The following POLR3B variants were observed in gnomAD, a reference collection of about 807,000 sequenced individuals.
POLR3B encodes the protein RNA polymerase III subunit B.
POLR3B carries 96 observed loss-of-function variants against 147.4 expected under a neutral mutation model. The observed-to-expected ratio is 0.65, with a 90% CI of 0.55 to 0.77. The LOEUF is 0.77. Ranked by LOEUF, POLR3B falls within the 30% of genes least tolerant of loss-of-function variation. The pLI is 0.00. For missense variants in POLR3B, 1,036 were observed against 1,413.5 expected (o/e 0.73, Z 4.28); for synonymous variants, 461 against 485.9 (o/e 0.95, Z 0.67).
intron 12 of POLR3B, among the ~76,000 whole-genome samples, chr12:106,419,021 G>C (rs973772053): frequency 3.0e-4 from 45 of 152,292 alleles, no homozygotes; most frequent in African/African-American, 1.1e-3. Flanking sequence ...CTAAGTGTAA[G>C]GGACTAATTA....
intron 2 of POLR3B, among the ~76,000 whole-genome samples, chr12:106,366,113 C>T (rs991799862): frequency 5.9e-5 from 9 of 152,144 alleles, no homozygotes; most frequent in Admixed American, 2.0e-4. Flanking sequence ...TCTATGAAAT[C>T]AAATCAAGTT....
At chr12:106,479,749 TC>T (rs1452443844) in intron 23 of POLR3B, among the ~76,000 whole-genome samples, 1 of 150,894 alleles carries the variant, frequency 6.6e-6, no homozygotes, top group African/African-American at 2.4e-5. Flanking sequence ...TTTTGGTTTT[TC>T]TTTTTTTCTT....
chr12:106,406,035 G>T, intron 11 of POLR3B, 59 bp downstream of exon 11: 1 of 1,578,938 alleles, frequency 6.3e-7, no homozygotes. Flanking sequence ...TCCTGTTAGA[G>T]AACTGTGATA....
chr12:106,454,699 T>G lies in POLR3B; in HGVS notation c.2281T>G (p.Ser761Ala), dbSNP rs1269408798. 6.3e-7 allele frequency: 1 copy of G among 1,591,532 alleles called. No individual in the cohort carries two copies. The highest frequency in any genetic ancestry group is 2.2e-5 in the East Asian group (1 of 44,746). The change falls in exon 20 of 28, where the codon TCT becomes GCT. Residue 761 changes from serine to alanine, a missense_variant. Transcript: ENST00000228347. ...IEDALVLNKASLDRGFGRCLV... is the reference protein window; with the variant it reads ...IEDALVLNKAALDRGFGRCLV... ...AGATGCTCTTGTTTTAAACAAGGCC[T>G]CTTTAGACAGAGGTAAGTGAATTTT...
chr12:106,462,274 G>A (rs11113001), intron 22 of POLR3B, among the ~76,000 whole-genome samples: 68 of 152,150 alleles, frequency 4.5e-4, no homozygotes, highest in African/African-American at 1.6e-3. Flanking sequence ...TTGAGACGGA[G>A]TCTCGCTCTA....
intron 10 of POLR3B, among the ~76,000 whole-genome samples, chr12:106,401,139 G>A (rs2037059848): frequency 6.6e-6 from 1 of 152,096 alleles, no homozygotes; most frequent in African/African-American, 2.4e-5. Context: ...TGATAAAGGG[G>A]ATATCACCAG....
chr12:106,387,675 C>G (rs2036859082), intron 9 of POLR3B, among the ~76,000 whole-genome samples: 1 of 152,158 alleles, frequency 6.6e-6, no homozygotes, highest in Non-Finnish European at 1.5e-5. Flanking sequence ...ACTTTTCCAT[C>G]TGGGAGGCAG....
At chr12:106,446,990 G>T (rs1163979455) in intron 19 of POLR3B, among the ~76,000 whole-genome samples, 1 of 152,140 alleles carries the variant, frequency 6.6e-6, no homozygotes, top group African/African-American at 2.4e-5. Context: ...CTTTGAGTAG[G>T]ACTTCTCTGG....
At chr12:106,393,804 A>ACACC (rs1207766499) in intron 10 of POLR3B, among the ~76,000 whole-genome samples, 5 of 133,916 alleles carry the variant, frequency 3.7e-5, no homozygotes, top group African/African-American at 1.4e-4. Context: ...ACACACACAC[A>ACACC]CCCCATAGTA....
chr12:106,411,183 G>T (rs1348607206), intron 12 of POLR3B, among the ~76,000 whole-genome samples: 1 of 151,820 alleles, frequency 6.6e-6, no homozygotes, highest in Admixed American at 6.6e-5. Context: ...TGGTTGCCCA[G>T]GCTGGAGTGC....
intron 9 of POLR3B, among the ~76,000 whole-genome samples, chr12:106,385,711 A>C (rs1175239002): frequency 6.6e-6 from 1 of 152,190 alleles, no homozygotes; most frequent in African/African-American, 2.4e-5. Context: ...TATTGAATGG[A>C]CATTGACAAG....
At chr12:106,497,005 T>A in intron 25 of POLR3B, 87 bp downstream of exon 25, 1 of 1,336,294 alleles carries the variant, frequency 7.5e-7, no homozygotes, top group Non-Finnish European at 1.1e-6. Flanking sequence ...CTCTATTAAG[T>A]ATACCTTCAG....
intron 19 of POLR3B, chr12:106,446,346 C>A: frequency 2.6e-6 from 1 of 382,436 alleles, no homozygotes. Flanking sequence ...TGTAGTGAAG[C>A]TTTTTTAAAA....
intron 12 of POLR3B, among the ~76,000 whole-genome samples, chr12:106,420,911 C>A (rs991225475): frequency 6.6e-6 from 1 of 152,100 alleles, no homozygotes; most frequent in African/African-American, 2.4e-5. Context: ...TTTTCCCCTA[C>A]CATCCTGAAC....
At chr12:106,385,609 G>A (rs1490401510) in intron 9 of POLR3B, among the ~76,000 whole-genome samples, 2 of 152,234 alleles carry the variant, frequency 1.3e-5, no homozygotes, top group Admixed American at 1.3e-4. Context: ...GTAATCAGGT[G>A]ACAGAGTATA....
intron 10 of POLR3B, among the ~76,000 whole-genome samples, chr12:106,402,690 C>G (rs1249436121): frequency 3.9e-5 from 6 of 152,160 alleles, no homozygotes; most frequent in African/African-American, 7.2e-5. Context: ...ACAAACCTGA[C>G]AAAAACAAGA....
At chr12:106,477,891 C>CCTTTTTTT (rs1565909279) in intron 23 of POLR3B, among the ~76,000 whole-genome samples, 1 of 70,478 alleles carries the variant, frequency 1.4e-5, no homozygotes, top group African/African-American at 5.5e-5. Flanking sequence ...GGCTCCTCCC[C>CCTTTTTTT]TTTTTTTTTT....
intron 2 of POLR3B, 40 bp from the exon 3 acceptor site, chr12:106,366,476 C>G (rs372689685): frequency 3.5e-6 from 5 of 1,424,038 alleles, no homozygotes; most frequent in Non-Finnish European, 5.0e-6. Context: ...ACTCTTTGCA[C>G]TTTTGCTAAC....
chr12:106,411,980 C>T (rs2037233183), intron 12 of POLR3B, among the ~76,000 whole-genome samples: 1 of 152,156 alleles, frequency 6.6e-6, no homozygotes, highest in Non-Finnish European at 1.5e-5. Context: ...CATCACAAGC[C>T]TATTTTTATT....
Sources: allele counts gnomAD v4.1 joint callset (sites outside exome capture counted in the v4.1 genomes callset), GRCh38; gene constraint gnomAD v4.1.1; transcripts MANE v1.5; gene names NCBI Gene and HGNC (gene_info 2026-07-23, HGNC 2026-07-21).